The following SNX29 variants were observed in gnomAD, a reference collection of about 807,000 sequenced individuals.
SNX29 encodes sorting nexin-29.
A neutral mutation model predicts 102.1 loss-of-function variants in SNX29; 78 were observed. The ratio of observed to expected loss-of-function variants is 0.76; its 90% CI spans 0.64 to 0.92. The LOEUF (loss-of-function observed/expected upper bound fraction) is 0.92. Ranked by LOEUF, SNX29 falls within the 40% of genes least tolerant of loss-of-function variation. The probability of loss-of-function intolerance (pLI) is 0.00; values close to 1 mark genes in which losing one functional copy is unlikely to be tolerated. For synonymous variants in SNX29, 580 were observed against 414.5 expected, an observed-to-expected ratio of 1.40 and a Z score of -4.85; for missense variants, 1,280 against 1,061.7, an observed-to-expected ratio of 1.21 and a Z score of -2.86.
rs1345168341 is a variant in SNX29, at chr16:12,571,696, A to G, written c.*3067A>G. On this transcript the variant is annotated 3_prime_UTR_variant, in exon 21 of 21. Coordinates refer to ENST00000566228, the MANE Select transcript of SNX29 (RefSeq NM_032167.5). ...CAGAGGTGTCTCTCCTTGAGAGACA[A>G]CAAAAGCTTCTAAGGGAGGGAGCTT... is the stretch of plus-strand genomic sequence containing the variant. 2 of 1,059,410 alleles carry G rather than the reference A, an allele frequency of 1.9e-6. No individual in the cohort carries two copies. Among genetic ancestry groups the G allele is most frequent in the African/African-American group, 3.3e-5 (2 of 60,770 alleles). 65.6% of individuals were successfully genotyped at this position (1,059,410 alleles called of 1,614,324 possible).
At chr16:12,229,876 C>A (rs930701615) in intron 14 of SNX29, among the ~76,000 whole-genome samples, 14 of 152,086 alleles carry the variant, frequency 9.2e-5, no homozygotes, top group African/African-American at 1.7e-4. Context: ...GTTGGACTTA[C>A]GAGATAATTC....
intron 19 of SNX29, among the ~76,000 whole-genome samples, chr16:12,479,350 T>A (rs1456838220): frequency 2.6e-5 from 4 of 152,212 alleles, no homozygotes; most frequent in Admixed American, 1.3e-4. Context: ...AGAGTTTCCA[T>A]AACCCACTCC....
At chr16:12,276,435 G>A (rs994985218) in intron 14 of SNX29, among the ~76,000 whole-genome samples, 1 of 152,184 alleles carries the variant, frequency 6.6e-6, no homozygotes, top group Non-Finnish European at 1.5e-5. Flanking sequence ...AGGAGGCTTA[G>A]CCACCTGGCT....
intron 18 of SNX29, among the ~76,000 whole-genome samples, chr16:12,464,119 G>C (rs1183673676): frequency 6.6e-6 from 1 of 151,272 alleles, no homozygotes; most frequent in East Asian, 1.9e-4. Context: ...GGCAATATTT[G>C]TCTTTCTGTG....
intron 18 of SNX29, among the ~76,000 whole-genome samples, chr16:12,433,545 C>T (rs765907424): frequency 3.3e-5 from 5 of 150,862 alleles, no homozygotes; most frequent in African/African-American, 9.8e-5. Flanking sequence ...GCAGAAGAAT[C>T]GCTTGAACCC....
At chr16:12,217,111 C>G (rs536308675) in intron 14 of SNX29, among the ~76,000 whole-genome samples, 14 of 152,308 alleles carry the variant, frequency 9.2e-5, no homozygotes, top group African/African-American at 3.1e-4. Flanking sequence ...TTACCTCATC[C>G]TTGACTTCCC....
At chr16:12,320,671 G>T (rs1348194234) in intron 15 of SNX29, among the ~76,000 whole-genome samples, 2 of 152,130 alleles carry the variant, frequency 1.3e-5, no homozygotes, top group African/African-American at 4.8e-5. Flanking sequence ...GGGAAACTAA[G>T]ATCACTCCAG....
intron 6 of SNX29, among the ~76,000 whole-genome samples, chr16:12,046,903 G>T (rs1296592296): frequency 6.6e-6 from 1 of 152,230 alleles, no homozygotes; most frequent in East Asian, 1.9e-4. Flanking sequence ...GCAGGTGTGA[G>T]CCACCGTGCC....
At position 12,180,411 on chromosome 16, in the gene SNX29, A is replaced by G. The variant is rs145299370; in HGVS notation, c.1596-19190A>G. On this transcript the variant is annotated intron_variant, in intron 13 of 20. Transcript: ENST00000566228. ...TTCTGGCGCATCTTTATCTGCAGCT[A>G]TATTCTATTACTTATTCTGTTTCTC... Among the ~76,000 whole-genome samples the G allele has an allele frequency of 4.2e-3, 635 of 151,924 alleles. 5 individuals are homozygous for G. Among genetic ancestry groups the G allele is most frequent in the African/African-American group, 0.014 (596 of 41,430 alleles).
In SNX29 at chr16:12,399,868, G is replaced by A. The variant is rs1258333611; in HGVS notation, c.1955+1367G>A. On this transcript the variant is annotated intron_variant, in intron 17 of 20. Coordinates refer to ENST00000566228, the MANE Select transcript of SNX29 (RefSeq NM_032167.5). ...CATGGCATGAAGAGGCTCCTGGAACGGCAGAGTCCGGCGGAGGGCAGCTGT... is the reference window on the plus strand; with the variant it reads ...CATGGCATGAAGAGGCTCCTGGAACAGCAGAGTCCGGCGGAGGGCAGCTGT... Among the ~76,000 whole-genome samples, 5 of 152,198 alleles carry A rather than the reference G, an allele frequency of 3.3e-5. No individual in the cohort carries two copies. In the East Asian group the frequency reaches 9.6e-4, roughly 29 times the overall value.
chr16:12,433,135 T>G (rs2085383116), intron 18 of SNX29, among the ~76,000 whole-genome samples: 2 of 152,188 alleles, frequency 1.3e-5, no homozygotes, highest in South Asian at 4.2e-4. Flanking sequence ...TCAGACCCTG[T>G]GGAGGTCCAC....
intron 11 of SNX29, chr16:12,093,994 TG>T (rs1264006976): frequency 6.6e-6 from 1 of 152,232 alleles, no homozygotes; most frequent in Non-Finnish European, 1.5e-5. Flanking sequence ...TCATTATTTT[TG>T]TTTTTACTGT....
At chr16:12,001,843 C>A (rs1012996866) in intron 2 of SNX29, among the ~76,000 whole-genome samples, 1 of 151,796 alleles carries the variant, frequency 6.6e-6, no homozygotes, top group Admixed American at 6.6e-5. Context: ...CATAGTGAGA[C>A]CCCTGTCTCT....
Position 12,394,496 on chromosome 16 carries a change from A to G in SNX29, c.1900-3950A>G, listed in dbSNP as rs138571592. ...ACCCCAAAACTTAATGGCTTTTTAA[A>G]AAAACTTGGCTATTTTTTTATCTCT... On this transcript the variant is annotated intron_variant, in intron 16 of 20. Coordinates refer to ENST00000566228, the MANE Select transcript of SNX29 (RefSeq NM_032167.5). Among the ~76,000 whole-genome samples, 236 of 152,272 alleles carry G rather than the reference A, an allele frequency of 1.5e-3. 1 individual carries two copies. Among genetic ancestry groups the G allele is most frequent in the African/African-American group, 5.4e-3 (223 of 41,560 alleles).
intron 20 of SNX29, among the ~76,000 whole-genome samples, chr16:12,564,755 C>T (rs1170813176): frequency 6.6e-6 from 1 of 151,786 alleles, no homozygotes; most frequent in Non-Finnish European, 1.5e-5. Flanking sequence ...CTGTCTGCTT[C>T]TTGGTGATTG....
intron 3 of SNX29, among the ~76,000 whole-genome samples, chr16:12,003,476 C>T (rs2056359063): frequency 6.6e-6 from 1 of 151,950 alleles, no homozygotes; most frequent in Non-Finnish European, 1.5e-5. Flanking sequence ...CAGAAAAATG[C>T]ATAGGTAGTG....
At chr16:12,509,346 A>C (rs547637434) in intron 19 of SNX29, among the ~76,000 whole-genome samples, 1 of 152,094 alleles carries the variant, frequency 6.6e-6, no homozygotes, top group Non-Finnish European at 1.5e-5. Context: ...GGCCCACACC[A>C]CCCAAGCAGT....
At chr16:12,521,244 C>T (rs2090088001) in intron 19 of SNX29, among the ~76,000 whole-genome samples, 1 of 152,010 alleles carries the variant, frequency 6.6e-6, no homozygotes, top group Non-Finnish European at 1.5e-5. Context: ...CCTGTACCCG[C>T]AAAAATTATT....
chr16:12,199,595 C>A lies in SNX29; in HGVS notation c.1596-6C>A. On this transcript the variant is annotated splice_region_variant and splice_polypyrimidine_tract_variant and intron_variant, in intron 13 of 20. Coordinates refer to ENST00000566228, the MANE Select transcript of SNX29 (RefSeq NM_032167.5). ...ATATATTTTTTTAACATTCTTGTAC[C>A]TGCAGAGAGAACGAGGTGCTCAAAG... The A allele has an allele frequency of 6.2e-7, 1 of 1,610,480 alleles. No homozygotes were observed. The highest frequency in any genetic ancestry group is 1.1e-5 in the South Asian group (1 of 90,346).
Sources: gnomAD v4.1 joint callset for allele counts (sites outside exome capture counted in the v4.1 genomes callset) on GRCh38, gnomAD v4.1.1 for gene constraint, MANE v1.5 for transcripts, NCBI Gene and HGNC (gene_info 2026-07-23, HGNC 2026-07-21) for gene names.